The following FAM83G variants were observed in gnomAD, a reference collection of about 807,000 sequenced individuals.
FAM83G encodes protein FAM83G.
A neutral mutation model predicts 61.5 loss-of-function variants in FAM83G; 38 were observed. That is an observed-to-expected ratio of 0.62 (90% CI 0.48 to 0.81). The LOEUF is 0.81. Ranked by LOEUF, FAM83G falls within the 30% of genes least tolerant of loss-of-function variation. The pLI is 0.00. For missense variants in FAM83G, 989 were observed against 1,133.6 expected (o/e 0.87, Z 1.83); for synonymous variants, 470 against 476.1 (o/e 0.99, Z 0.17).
Position 18,971,532 on chromosome 17 carries a change from C to T in FAM83G, c.2299G>A (p.Ala767Thr), listed in dbSNP as rs2042853410. The T allele has an allele frequency of 6.2e-7, 1 of 1,613,826 alleles. No homozygotes were observed. Among genetic ancestry groups the T allele is most frequent in the Non-Finnish European group, 8.5e-7 (1 of 1,180,028 alleles). Residue 767 changes from alanine (A) to threonine (T), a missense_variant, in exon 6 of 6, where the codon GCC becomes ACC. This residue lies in a region of FAM83G where 574 missense variants were observed against 645.1 expected (regional missense o/e 0.89). Coordinates refer to ENST00000388995, the MANE Select transcript of FAM83G (RefSeq NM_001039999.3). The surrounding 1 kb of genome is among the most constrained non-coding windows in gnomAD (Gnocchi z 5.5). ...GCCCTGCCATCGGTCATGGGGCGGG[C>T]ATTTTGGGCCAGTCTTGGGCTGCCG... ...DPGSPRLAQN[A>T]RPMTDGRATE...
chr17:18,992,421 G>A (rs2043450735), intron 2 of FAM83G, among the ~76,000 whole-genome samples: 1 of 152,244 alleles, frequency 6.6e-6, no homozygotes, highest in African/African-American at 2.4e-5. Flanking sequence ...CTTGAGCTGG[G>A]ATGCAGGGGT....
intron 4 of FAM83G, 109 bp downstream of exon 4, chr17:18,979,440 C>T: frequency 7.2e-7 from 1 of 1,388,692 alleles, no homozygotes; most frequent in Non-Finnish European, 9.8e-7. Context: ...CACACCTCAG[C>T]AGCCTTGGGA....
At chr17:18,990,968 C>A (rs2043407201) in intron 2 of FAM83G, among the ~76,000 whole-genome samples, 1 of 152,228 alleles carries the variant, frequency 6.6e-6, no homozygotes, top group Non-Finnish European at 1.5e-5. Context: ...AGAGCACCTT[C>A]TGCACAAGAG....
At chr17:18,994,181 G>A (rs2043503932) in intron 2 of FAM83G, among the ~76,000 whole-genome samples, 1 of 152,186 alleles carries the variant, frequency 6.6e-6, no homozygotes. Flanking sequence ...AACAGAGACG[G>A]AATTCACCCC....
intron 3 of FAM83G, among the ~76,000 whole-genome samples, chr17:18,980,216 C>T (rs923035808): frequency 6.6e-6 from 1 of 152,170 alleles, no homozygotes; most frequent in Non-Finnish European, 1.5e-5. Context: ...CTTCTCAACA[C>T]CCCTGTCTCT....
intron 2 of FAM83G, among the ~76,000 whole-genome samples, chr17:18,998,808 C>T (rs1378613753): frequency 2.0e-5 from 3 of 152,250 alleles, no homozygotes; most frequent in Admixed American, 2.0e-4. Context: ...AAGGTGTCAA[C>T]TGGGCCACCT....
At chr17:18,985,424 C>A (rs866972713) in intron 3 of FAM83G, among the ~76,000 whole-genome samples, 67 of 152,216 alleles carry the variant, frequency 4.4e-4, no homozygotes, top group African/African-American at 1.5e-3. Context: ...ATGACCCTAC[C>A]AGAAAACCTG....
Position 18,978,862 on chromosome 17 carries a change from G to A in FAM83G, c.816-12C>T. On this transcript the variant is annotated splice_polypyrimidine_tract_variant and intron_variant, in intron 4 of 5. Transcript: ENST00000388995. ...CCGACCACGTGAAGCTGCAACAGAG[G>A]GAGGGGGCGCTGGTCAGGCACATGA... The A allele has an allele frequency of 6.2e-7, 1 of 1,610,258 alleles. No individual in the cohort carries two copies. Among genetic ancestry groups the A allele is most frequent in the East Asian group, 2.2e-5 (1 of 44,806 alleles).
Position 18,978,504 on chromosome 17 carries a change from G to A in FAM83G, c.1162C>T (p.Leu388Phe), listed in dbSNP as rs2043043388. 5 of 1,613,170 alleles carry A rather than the reference G, an allele frequency of 3.1e-6. 1 individual carries two copies. In the East Asian group the frequency reaches 8.9e-5, roughly 29 times the overall value. Residue 388 changes from leucine to phenylalanine, a missense_variant, in exon 5 of 6, where the codon CTC becomes TTC. Leu to Phe is a conservative substitution (Grantham distance 22). Transcript: ENST00000388995. ...GPALAEHPGELPELLPPIHPG... is the reference protein window; with the variant it reads ...GPALAEHPGEFPELLPPIHPG... ...TGGATGGGTGGCAGCAGCTCGGGGAGTTCCCCTGGATGCTCAGCCAGCGCT... is the reference window on the plus strand; with the variant it reads ...TGGATGGGTGGCAGCAGCTCGGGGAATTCCCCTGGATGCTCAGCCAGCGCT...
At chr17:18,980,599 C>T (rs764720284) in intron 3 of FAM83G, among the ~76,000 whole-genome samples, 5 of 152,160 alleles carry the variant, frequency 3.3e-5, no homozygotes, top group Non-Finnish European at 5.9e-5. Context: ...GACTTCCCTC[C>T]CCCAGGTAGC....
chr17:18,985,072 T>C (rs2043235716), intron 3 of FAM83G, among the ~76,000 whole-genome samples: 1 of 151,804 alleles, frequency 6.6e-6, no homozygotes, highest in African/African-American at 2.4e-5. Context: ...AGGAGCCGAG[T>C]GAGGGTGAAC....
rs537056424 is a variant in FAM83G, at chr17:19,004,095, C to T, written c.-54G>A. The T allele has an allele frequency of 3.3e-6, 5 of 1,518,634 alleles. No homozygotes were observed. In the African/African-American group the frequency reaches 5.6e-5, roughly 17 times the overall value. The allele number at this position is 1,518,634 out of a possible 1,614,324, so 94.1% of individuals were successfully genotyped here. A position where few individuals can be genotyped will look rare whatever the true frequency, so the allele number is the denominator to read the frequency against. ...GGGGTGGGTGGGCAAGGTCCAGCTCCTAGCTCCGGCCCAGCTGGGGCACCG... is the reference window on the plus strand; with the variant it reads ...GGGGTGGGTGGGCAAGGTCCAGCTCTTAGCTCCGGCCCAGCTGGGGCACCG... On this transcript the variant is annotated 5_prime_UTR_variant, in exon 2 of 6. Coordinates refer to ENST00000388995, the MANE Select transcript of FAM83G (RefSeq NM_001039999.3). The surrounding 1 kb of genome is among the most constrained non-coding windows in gnomAD (Gnocchi z 5.4).
In FAM83G at chr17:18,969,534, C is replaced by T. The variant is rs999551432; in HGVS notation, c.*1825G>A. ...ATGCCGTTGGGGTTCTGGGTAGCAT[C>T]GCTGGGAGTGGGTGGGTTCAGGAGG... On this transcript the variant is annotated 3_prime_UTR_variant, in exon 6 of 6. Coordinates refer to ENST00000388995, the MANE Select transcript of FAM83G (RefSeq NM_001039999.3). 9.2e-5 allele frequency: 95 copies of T among 1,029,070 alleles called. No homozygotes were observed. The highest frequency in any genetic ancestry group is 2.9e-4 in the Middle Eastern group (1 of 3,480). 63.7% of individuals were successfully genotyped at this position (1,029,070 alleles called of 1,614,324 possible).
chr17:18,975,597 G>A (rs1015621310), intron 5 of FAM83G: 1 of 152,202 alleles, frequency 6.6e-6, no homozygotes, highest in Non-Finnish European at 1.5e-5. Context: ...GGGAGGCTGA[G>A]GCAGGAGAAT....
chr17:18,989,226 G>A (rs1002332666), intron 2 of FAM83G, among the ~76,000 whole-genome samples: 6 of 151,496 alleles, frequency 4.0e-5, no homozygotes, highest in Non-Finnish European at 5.9e-5. Context: ...GGACCACCTG[G>A]AGAAGAGGCC....
At chr17:19,002,470 G>A (rs942589363) in intron 2 of FAM83G, among the ~76,000 whole-genome samples, 1 of 152,222 alleles carries the variant, frequency 6.6e-6, no homozygotes, top group Non-Finnish European at 1.5e-5. Flanking sequence ...GGTCCCCGAA[G>A]CCAGCATTCT....
At chr17:18,974,601 A>T (rs763035149) in intron 5 of FAM83G, among the ~76,000 whole-genome samples, 1 of 152,208 alleles carries the variant, frequency 6.6e-6, no homozygotes, top group Non-Finnish European at 1.5e-5. Context: ...CATAACAGCA[A>T]CCACAGCTTT....
Position 18,988,110 on chromosome 17 carries a change from A to G in FAM83G, c.690+137T>C, listed in dbSNP as rs572018501. The stretch of plus-strand genomic sequence containing the variant: ...AGCAGTGGCTATGTGACTGCTTGGC[A>G]GGAGGCTCTAGGATTACTGGACTCT... On this transcript the variant is annotated intron_variant, in intron 3 of 5. Transcript: ENST00000388995. 5.3e-6 allele frequency: 7 copies of G among 1,321,676 alleles called. No homozygotes were observed. The East Asian group carries it at 1.5e-4, about 28-fold the overall frequency. 81.9% of individuals were successfully genotyped at this position (1,321,676 alleles called of 1,614,324 possible).
At chr17:18,999,999 G>A (rs2043688152) in intron 2 of FAM83G, among the ~76,000 whole-genome samples, 1 of 152,230 alleles carries the variant, frequency 6.6e-6, no homozygotes, top group Admixed American at 6.5e-5. Context: ...TCTACATCCA[G>A]CTCTGGCTGA....
Sources: gnomAD v4.1 joint callset for allele counts (sites outside exome capture counted in the v4.1 genomes callset) on GRCh38, gnomAD v4.1.1 for gene constraint, gnomAD v4.1.1 regional missense constraint, Gnocchi (gnomAD v3.1) non-coding constraint, MANE v1.5 for transcripts, NCBI Gene and HGNC (gene_info 2026-07-23, HGNC 2026-07-21) for gene names.